PCDH15: variants seen among roughly 807,000 people sequenced by gnomAD.
PCDH15 encodes protocadherin related 15.
A neutral mutation model predicts 178.5 loss-of-function variants in PCDH15; 129 were observed. The ratio of observed to expected loss-of-function variants is 0.72; its 90% CI spans 0.63 to 0.84. The LOEUF is 0.84. Among genes scored for constraint, PCDH15 ranks in the 40% least tolerant of loss-of-function variants. The probability of loss-of-function intolerance (pLI) is 0.00; values close to 1 mark genes in which losing one functional copy is unlikely to be tolerated. For synonymous variants in PCDH15, 800 were observed against 732.0 expected, an observed-to-expected ratio of 1.09 and a Z score of -1.50; for missense variants, 2,230 against 2,099.9, an observed-to-expected ratio of 1.06 and a Z score of -1.21.
chr10:54,922,007 A>G (rs910184291), intron 2 of PCDH15, among the ~76,000 whole-genome samples: 1 of 152,204 alleles, frequency 6.6e-6, no homozygotes, highest in Non-Finnish European at 1.5e-5. Flanking sequence ...TCATGAGATG[A>G]GCAAGAAGAA....
chr10:55,418,751 A>G (rs901313313), intron 2 of PCDH15, among the ~76,000 whole-genome samples: 1 of 151,796 alleles, frequency 6.6e-6, no homozygotes, highest in African/African-American at 2.4e-5. Context: ...AATGAAAGTC[A>G]TAATAAAATC....
chr10:54,607,493 A>C (rs944963555), intron 2 of PCDH15, among the ~76,000 whole-genome samples: 8 of 152,054 alleles, frequency 5.3e-5, no homozygotes, highest in Non-Finnish European at 1.0e-4. Context: ...CAGGAAATCC[A>C]GGTCCCTGCC....
chr10:55,286,207 C>T (rs1363931325), intron 1 of PCDH15, among the ~76,000 whole-genome samples: 3 of 151,760 alleles, frequency 2.0e-5, no homozygotes, highest in African/African-American at 7.3e-5. Flanking sequence ...ATGTTACAAT[C>T]ATTCTTTCTT....
chr10:53,822,493 A>C, intron 32 of PCDH15: 1 of 1,611,686 alleles, frequency 6.2e-7, no homozygotes, highest in Non-Finnish European at 8.5e-7. Context: ...GGAAGGGGAC[A>C]GGCAGAAGGA....
chr10:55,109,845 A>T (rs1837452429), intron 2 of PCDH15, among the ~76,000 whole-genome samples: 1 of 152,028 alleles, frequency 6.6e-6, no homozygotes, highest in Non-Finnish European at 1.5e-5. Flanking sequence ...GAAATTTATT[A>T]TGACTTTTTC....
chr10:54,759,606 G>A (rs1216717621), intron 1 of PCDH15, among the ~76,000 whole-genome samples: 1 of 152,044 alleles, frequency 6.6e-6, no homozygotes, highest in Non-Finnish European at 1.5e-5. Context: ...GCAGAATTGG[G>A]GCATTATTTG....
chr10:55,506,287 G>A (rs896491487), intron 2 of PCDH15: 1 of 151,488 alleles, frequency 6.6e-6, no homozygotes, highest in Non-Finnish European at 1.5e-5. Context: ...TCTGCTTGTT[G>A]TAAGTATGTA....
At chr10:55,050,268 C>T (rs1044734289) in intron 2 of PCDH15, among the ~76,000 whole-genome samples, 28 of 151,874 alleles carry the variant, frequency 1.8e-4, no homozygotes, top group African/African-American at 6.5e-4. Flanking sequence ...GAGATTTTGG[C>T]CAACTTTATT....
intron 2 of PCDH15, among the ~76,000 whole-genome samples, chr10:55,603,812 G>A (rs1211044910): frequency 1.1e-4 from 17 of 148,096 alleles, no homozygotes; most frequent in African/African-American, 3.2e-4. Context: ...AAAGACCATC[G>A]AGACTAGGAA....
chr10:54,759,849 T>C, intron 1 of PCDH15, among the ~76,000 whole-genome samples: 1 of 152,164 alleles, frequency 6.6e-6, no homozygotes, highest in East Asian at 1.9e-4. Flanking sequence ...GGTGCCTCTG[T>C]ACAGCTGCAA....
At chr10:54,429,920 G>T (rs1333236673) in intron 3 of PCDH15, among the ~76,000 whole-genome samples, 1 of 152,014 alleles carries the variant, frequency 6.6e-6, no homozygotes, top group Non-Finnish European at 1.5e-5. Flanking sequence ...TTCTGCATTG[G>T]ACAGATCTAA....
At chr10:54,038,772 TA>T (rs1321161709) in intron 18 of PCDH15, among the ~76,000 whole-genome samples, 3 of 151,992 alleles carry the variant, frequency 2.0e-5, no homozygotes, top group African/African-American at 7.2e-5. Flanking sequence ...AACAAGCCTC[TA>T]TCTTGGATTG....
chr10:54,421,883 TACAC>T (rs58594959), intron 3 of PCDH15, among the ~76,000 whole-genome samples: 4 of 104,178 alleles, frequency 3.8e-5, no homozygotes, highest in Admixed American at 9.4e-5. Flanking sequence ...TATATATATA[TACAC>T]ACACACACTA....
rs114385369 is a variant in PCDH15 at position 54,940,671 on chromosome 10, T to G, written c.-79-43171A>C. 8.7e-3 allele frequency among the ~76,000 whole-genome samples: 1,328 copies of G among 152,234 alleles called. 15 individuals carry two copies. The highest frequency in any genetic ancestry group is 0.03 in the African/African-American group (1,238 of 41,542). ...ATGGTTGCATTCTCTATCTCTTAAT[T>G]TGTCCATTTTTTTCTTCATGTATTT... On this transcript the variant is annotated intron_variant, in intron 2 of 5. Transcript: ENST00000458638.
intron 8 of PCDH15, among the ~76,000 whole-genome samples, chr10:54,241,258 G>A (rs1428291591): frequency 6.6e-6 from 1 of 152,070 alleles, no homozygotes; most frequent in Non-Finnish European, 1.5e-5. Context: ...ATTCTCTGTC[G>A]TCCTCATTTC....
intron 15 of PCDH15, among the ~76,000 whole-genome samples, chr10:54,125,764 C>T (rs12360522): frequency 6.6e-6 from 1 of 151,852 alleles, no homozygotes; most frequent in South Asian, 2.1e-4. Context: ...CTTATGATAG[C>T]ATCAATTAAA....
chr10:53,890,818 C>T (rs1159358750), intron 26 of PCDH15, among the ~76,000 whole-genome samples: 2 of 152,078 alleles, frequency 1.3e-5, no homozygotes, highest in East Asian at 1.9e-4. Context: ...CTCAGATTTT[C>T]AGTGAATTAC....
At chr10:55,371,784 T>C (rs529036285) in intron 2 of PCDH15, among the ~76,000 whole-genome samples, 2 of 152,140 alleles carry the variant, frequency 1.3e-5, no homozygotes, top group African/African-American at 2.4e-5. Flanking sequence ...TAGTTTTTTA[T>C]AGCTGTGTGA....
At chr10:54,606,896 C>A (rs2092764874) in intron 2 of PCDH15, 1 of 151,996 alleles carries the variant, frequency 6.6e-6, no homozygotes, top group Non-Finnish European at 1.5e-5. Flanking sequence ...GAGGAAGAGC[C>A]TTATATAGAT....
Sources: allele counts gnomAD v4.1 joint callset (sites outside exome capture counted in the v4.1 genomes callset), GRCh38; gene constraint gnomAD v4.1.1; transcripts MANE v1.5; gene names NCBI Gene and HGNC (gene_info 2026-07-23, HGNC 2026-07-21).